SPPL3: variants seen among roughly 807,000 people sequenced by gnomAD.
SPPL3 encodes the protein signal peptide peptidase-like 3.
A neutral mutation model predicts 42.4 loss-of-function variants in SPPL3; 5 were observed. That is an observed-to-expected ratio of 0.12 (90% confidence interval 0.06 to 0.25). The LOEUF is 0.25. Ranked by LOEUF, SPPL3 falls within the 10% of genes least tolerant of loss-of-function variation. The probability of loss-of-function intolerance (pLI) is 1.00; values close to 1 mark genes in which losing one functional copy is unlikely to be tolerated. For synonymous variants in SPPL3, 195 were observed against 181.8 expected, an observed-to-expected ratio of 1.07 and a Z score of -0.58; for missense variants, 235 against 489.0, an observed-to-expected ratio of 0.48 and a Z score of 4.90.
chr12:120,879,799 G>T (rs1446888263), intron 1 of SPPL3, among the ~76,000 whole-genome samples: 1 of 152,016 alleles, frequency 6.6e-6, no homozygotes, highest in Non-Finnish European at 1.5e-5. Flanking sequence ...TCAGGGGACT[G>T]ATTTAAAGGT....
rs149657279 is a variant in SPPL3 at position 120,900,065 on chromosome 12, C to G, written c.23+3780G>C. Among the ~76,000 whole-genome samples the G allele has an allele frequency of 4.7e-3, 716 of 152,084 alleles. 8 individuals are homozygous for G. Among genetic ancestry groups the G allele is most frequent in the African/African-American group, 0.016 (658 of 41,474 alleles). On this transcript the variant is annotated intron_variant, in intron 1 of 10. Coordinates refer to ENST00000353487, the MANE Select transcript of SPPL3 (RefSeq NM_139015.5). ...GGCCTTGTTGAAAAAACTTTTTATT[C>G]TGAAAAATTTAAACATGTAAAAGTC...
chr12:120,891,708 T>C (rs1873647377), intron 1 of SPPL3, among the ~76,000 whole-genome samples: 1 of 147,554 alleles, frequency 6.8e-6, no homozygotes, highest in Non-Finnish European at 1.5e-5. Context: ...TACTGAAATT[T>C]TTTTCCCTAA....
intron 1 of SPPL3, among the ~76,000 whole-genome samples, chr12:120,843,362 T>A (rs1739176801): frequency 6.6e-6 from 1 of 152,222 alleles, no homozygotes; most frequent in Middle Eastern, 3.2e-3. Flanking sequence ...GACCCATTCA[T>A]ATCTACTCTA....
chr12:120,845,245 G>T, intron 1 of SPPL3: 1 of 407,466 alleles, frequency 2.5e-6, no homozygotes. Flanking sequence ...TGTGGTCCCT[G>T]CTGCATTCAC....
chr12:120,780,263 C>G (rs1869480713), intron 6 of SPPL3, among the ~76,000 whole-genome samples: 1 of 150,836 alleles, frequency 6.6e-6, no homozygotes. Flanking sequence ...AGTTCAAGAC[C>G]AGCCTGGGTA....
intron 1 of SPPL3, among the ~76,000 whole-genome samples, chr12:120,816,263 G>T (rs1870872233): frequency 6.6e-6 from 1 of 152,106 alleles, no homozygotes; most frequent in Non-Finnish European, 1.5e-5. Context: ...AAACTGTTCA[G>T]ATGTTTAATG....
At chr12:120,876,616 C>CAAAAGAAAA (rs1873099060) in intron 1 of SPPL3, among the ~76,000 whole-genome samples, 1 of 51,238 alleles carries the variant, frequency 2.0e-5, no homozygotes, top group East Asian at 6.8e-4. Flanking sequence ...GACTCTGTCT[C>CAAAAGAAAA]AAAAAAAAAA....
At chr12:120,790,609 T>C (rs1869882699) in intron 3 of SPPL3, among the ~76,000 whole-genome samples, 1 of 152,198 alleles carries the variant, frequency 6.6e-6, no homozygotes, top group Non-Finnish European at 1.5e-5. Context: ...CACCTTCTCT[T>C]GTAAAGAAAC....
chr12:120,857,146 T>C (rs556669473), intron 1 of SPPL3, among the ~76,000 whole-genome samples: 1 of 152,310 alleles, frequency 6.6e-6, no homozygotes, highest in Admixed American at 6.5e-5. Context: ...AGTGCTAGGA[T>C]TCCCTCTTCC....
intron 1 of SPPL3, among the ~76,000 whole-genome samples, chr12:120,890,063 T>C (rs1402931611): frequency 6.7e-6 from 1 of 150,050 alleles, no homozygotes; most frequent in Non-Finnish European, 1.5e-5. Flanking sequence ...CTGACCAACA[T>C]GGAGAAACCC....
chr12:120,766,098 G>GCACACACAAACACA (rs750703823), intron 10 of SPPL3, among the ~76,000 whole-genome samples, 165 bp downstream of exon 10: 9 of 144,044 alleles, frequency 6.2e-5, no homozygotes, highest in African/African-American at 2.4e-4. Flanking sequence ...TAGCGCGCGC[G>GCACACACAAACACA]CGCACACACA....
chr12:120,877,607 CCT>C (rs1303610764), intron 1 of SPPL3, among the ~76,000 whole-genome samples: 2 of 151,918 alleles, frequency 1.3e-5, no homozygotes, highest in African/African-American at 2.4e-5. Context: ...ATGACGAGAC[CCT>C]GTCTCTAGTA....
At chr12:120,802,203 A>G (rs1870319237) in intron 2 of SPPL3, among the ~76,000 whole-genome samples, 1 of 151,842 alleles carries the variant, frequency 6.6e-6, no homozygotes, top group Admixed American at 6.6e-5. Context: ...GGACAAGGGG[A>G]AACATGGGCT....
chr12:120,878,702 T>C (rs1214878588), intron 1 of SPPL3, among the ~76,000 whole-genome samples: 3 of 152,228 alleles, frequency 2.0e-5, no homozygotes, highest in Non-Finnish European at 4.4e-5. Flanking sequence ...GAAGTATTGC[T>C]GGTCAAAAAT....
intron 3 of SPPL3, 73 bp from the exon 4 acceptor site, chr12:120,784,666 T>C (rs3213569): frequency 0.096 from 119,124 of 1,243,034 alleles, 7,039 homozygotes; most frequent in East Asian, 0.25. Flanking sequence ...TCATATACAT[T>C]AACTTGCAAA....
chr12:120,795,189 C>G (rs1870057469), intron 2 of SPPL3, among the ~76,000 whole-genome samples: 1 of 152,142 alleles, frequency 6.6e-6, no homozygotes, highest in African/African-American at 2.4e-5. Context: ...GCAATCAATC[C>G]TTCTGCTTCA....
rs145445581 is a variant in SPPL3 at position 120,796,094 on chromosome 12, G to A, written c.102-4537C>T. On this transcript the variant is annotated intron_variant, in intron 2 of 10. Coordinates refer to ENST00000353487, the MANE Select transcript of SPPL3 (RefSeq NM_139015.5). ...CGTTCTTCTTTATAATCTCCATGTTGGCCAGGCACAGTGGTTCACGACTGT... is the reference window on the plus strand; with the variant it reads ...CGTTCTTCTTTATAATCTCCATGTTAGCCAGGCACAGTGGTTCACGACTGT... Among the ~76,000 whole-genome samples the A allele has an allele frequency of 1.6e-3, 250 of 152,140 alleles. 1 individual carries two copies. The highest frequency in any genetic ancestry group is 5.6e-3 in the African/African-American group (233 of 41,490).
intron 6 of SPPL3, among the ~76,000 whole-genome samples, chr12:120,772,703 T>TA (rs1284659638): frequency 6.6e-6 from 1 of 152,212 alleles, no homozygotes; most frequent in Non-Finnish European, 1.5e-5. Flanking sequence ...TCAACTAAAT[T>TA]ACTGTTTCAT....
intron 2 of SPPL3, among the ~76,000 whole-genome samples, chr12:120,807,695 A>C (rs2136999215): frequency 6.6e-6 from 1 of 152,102 alleles, no homozygotes; most frequent in South Asian, 2.1e-4. Context: ...AAAGAAAAAA[A>C]GAGAAAGAAA....
Sources: allele counts gnomAD v4.1 joint callset (sites outside exome capture counted in the v4.1 genomes callset), GRCh38; gene constraint gnomAD v4.1.1; transcripts MANE v1.5; gene names NCBI Gene and HGNC (gene_info 2026-07-23, HGNC 2026-07-21).